The following ADGRL3 variants were observed in gnomAD, a reference collection of about 807,000 sequenced individuals.
The protein encoded by ADGRL3 is calcium-independent alpha-latrotoxin receptor 3.
In ADGRL3, 62 loss-of-function variants were observed where a neutral mutation model predicts 153.5. The ratio of observed to expected loss-of-function variants is 0.40; its 90% CI spans 0.33 to 0.50. The LOEUF (loss-of-function observed/expected upper bound fraction) is 0.50, where lower values mean the gene tolerates loss of function less well. Ranked by LOEUF, ADGRL3 falls within the 20% of genes least tolerant of loss-of-function variation. The probability of loss-of-function intolerance (pLI) is 0.47; values close to 1 mark genes in which losing one functional copy is unlikely to be tolerated. For missense variants in ADGRL3, 1,641 were observed against 1,859.4 expected (o/e 0.88, Z 2.16); for synonymous variants, 710 against 672.5 (o/e 1.06, Z -0.86).
intron 1 of ADGRL3, among the ~76,000 whole-genome samples, chr4:61,228,170 G>C (rs1748825878): frequency 6.6e-6 from 1 of 152,004 alleles, no homozygotes; most frequent in Non-Finnish European, 1.5e-5. Context: ...GGTAAGTTTT[G>C]CTATTAATTG....
intron 23 of ADGRL3, among the ~76,000 whole-genome samples, chr4:62,033,344 C>G (rs964198517): frequency 2.0e-5 from 3 of 151,474 alleles, no homozygotes; most frequent in African/African-American, 7.3e-5. Flanking sequence ...CTTTTTTAGT[C>G]AGAAAGAGAA....
intron 3 of ADGRL3, among the ~76,000 whole-genome samples, chr4:61,506,736 C>T (rs1004196907): frequency 6.6e-6 from 1 of 151,952 alleles, no homozygotes; most frequent in African/African-American, 2.4e-5. Flanking sequence ...AATTCAGTGA[C>T]CTAAATTAGA....
chr4:61,347,870 C>T (rs767246296), intron 1 of ADGRL3, among the ~76,000 whole-genome samples: 3 of 151,954 alleles, frequency 2.0e-5, no homozygotes, highest in Non-Finnish European at 4.4e-5. Context: ...TATTAGAAAA[C>T]GTCTATCTTT....
intron 4 of ADGRL3, among the ~76,000 whole-genome samples, chr4:61,536,832 C>T (rs1304405391): frequency 6.6e-6 from 1 of 151,754 alleles, no homozygotes; most frequent in South Asian, 2.1e-4. Context: ...TTTTTTTTCC[C>T]AATTTGCCAG....
At chr4:61,866,322 G>A (rs1472862532) in intron 9 of ADGRL3, among the ~76,000 whole-genome samples, 5 of 152,188 alleles carry the variant, frequency 3.3e-5, no homozygotes, top group African/African-American at 9.7e-5. Context: ...GTATGGCAGA[G>A]GGACAAGAGA....
intron 4 of ADGRL3, among the ~76,000 whole-genome samples, chr4:61,571,426 T>C (rs1267256911): frequency 6.6e-6 from 1 of 152,110 alleles, no homozygotes; most frequent in African/African-American, 2.4e-5. Flanking sequence ...GACGAGAGGA[T>C]CGCTTAGGCC....
At chr4:61,665,845 A>T (rs921200872) in intron 5 of ADGRL3, among the ~76,000 whole-genome samples, 23 of 152,146 alleles carry the variant, frequency 1.5e-4, no homozygotes, top group Non-Finnish European at 3.2e-4. Flanking sequence ...AGTCAGCCTG[A>T]CTAGCCTCAG....
At chr4:61,444,063 G>C (rs11938177) in intron 2 of ADGRL3, among the ~76,000 whole-genome samples, 35,164 of 151,988 alleles carry the variant, frequency 0.23, 4,184 homozygotes, top group South Asian at 0.29. Flanking sequence ...GACTGTCTTT[G>C]CTGGAGATAA....
chr4:61,629,227 G>A (rs910261022), intron 5 of ADGRL3, among the ~76,000 whole-genome samples: 1 of 152,102 alleles, frequency 6.6e-6, no homozygotes, highest in Non-Finnish European at 1.5e-5. Context: ...AATAATTGAT[G>A]CTGATACTAT....
intron 4 of ADGRL3, among the ~76,000 whole-genome samples, chr4:61,582,869 A>T (rs552109701): frequency 3.1e-4 from 47 of 152,132 alleles, no homozygotes; most frequent in Non-Finnish European, 6.2e-4. Flanking sequence ...GTGACCACTG[A>T]TATTCCAACT....
intron 21 of ADGRL3, among the ~76,000 whole-genome samples, chr4:62,001,620 G>A (rs904583815): frequency 6.6e-6 from 1 of 152,116 alleles, no homozygotes; most frequent in African/African-American, 2.4e-5. Context: ...GGAGTTAAGA[G>A]GAGTAATAAT....
At chr4:61,205,924 A>G (rs946424673) in intron 1 of ADGRL3, among the ~76,000 whole-genome samples, 1 of 152,196 alleles carries the variant, frequency 6.6e-6, no homozygotes. Flanking sequence ...AGCATGGTCC[A>G]ATAAAATTAA....
intron 1 of ADGRL3, among the ~76,000 whole-genome samples, chr4:61,313,125 A>G (rs533890650): frequency 1.2e-4 from 18 of 152,216 alleles, no homozygotes; most frequent in Non-Finnish European, 2.2e-4. Context: ...TGAATCTTAC[A>G]TTGCTTAGTG....
intron 17 of ADGRL3, among the ~76,000 whole-genome samples, chr4:61,957,542 C>CATTTATGT (rs1349778842): frequency 6.6e-4 from 77 of 117,258 alleles, no homozygotes; most frequent in African/African-American, 1.9e-3. Flanking sequence ...CTCTTGGTTA[C>CATTTATGT]ATTTATGTAT....
intron 2 of ADGRL3, among the ~76,000 whole-genome samples, chr4:61,478,899 G>A (rs2098098839): frequency 6.6e-6 from 1 of 151,846 alleles, no homozygotes; most frequent in African/African-American, 2.4e-5. Flanking sequence ...TGTTTCCATG[G>A]TAAAGAAAAA....
At chr4:61,827,937 AG>A in intron 9 of ADGRL3, among the ~76,000 whole-genome samples, 1 of 152,292 alleles carries the variant, frequency 6.6e-6, no homozygotes, top group African/African-American at 2.4e-5. Context: ...TGAGACCTTT[AG>A]CCTTGTCTAA....
rs561016046 is a variant in ADGRL3, at chr4:61,848,745, A to G, written c.1480+34856A>G. 1.3e-4 allele frequency among the ~76,000 whole-genome samples: 20 copies of G among 152,302 alleles called. No homozygotes were observed. In the South Asian group the frequency reaches 3.1e-3, roughly 24 times the overall value. ...TTAATAATTTTAGTATTATTGACTC[A>G]TGCAAGGATAAATTAAATGATCAAA... On this transcript the variant is annotated intron_variant, in intron 9 of 26. Transcript: ENST00000683033.
intron 8 of ADGRL3, among the ~76,000 whole-genome samples, chr4:61,767,378 A>G (rs4272048): frequency 0.77 from 115,614 of 151,100 alleles, 44,910 homozygotes; most frequent in African/African-American, 0.89. Context: ...AAGCCTGGCC[A>G]TCAATACCCA....
At chr4:61,911,780 T>C (rs2098723058) in intron 12 of ADGRL3, among the ~76,000 whole-genome samples, 1 of 151,980 alleles carries the variant, frequency 6.6e-6, no homozygotes, top group Non-Finnish European at 1.5e-5. Flanking sequence ...AAAAGGCATC[T>C]GGGTAACTGC....
Sources: gnomAD v4.1 joint callset for allele counts (sites outside exome capture counted in the v4.1 genomes callset) on GRCh38, gnomAD v4.1.1 for gene constraint, MANE v1.5 for transcripts, NCBI Gene and HGNC (gene_info 2026-07-23, HGNC 2026-07-21) for gene names.